The following USH2A variants were observed in gnomAD, a reference collection of about 807,000 sequenced individuals.
USH2A encodes Usher syndrome 2A (autosomal recessive, mild).
A neutral mutation model predicts 538.9 loss-of-function variants in USH2A; 443 were observed. The observed-to-expected ratio is 0.82, with a 90% CI of 0.76 to 0.89. The LOEUF is 0.89. Ranked by LOEUF, USH2A falls within the 40% of genes least tolerant of loss-of-function variation. The pLI is 0.00. For synonymous variants in USH2A, 2,413 were observed against 2,273.5 expected (o/e 1.06, Z -1.75); for missense variants, 6,633 against 6,324.8 (o/e 1.05, Z -1.65).
intron 3 of USH2A, among the ~76,000 whole-genome samples, chr1:216,370,674 T>C (rs1268447480): frequency 1.9e-4 from 2 of 10,460 alleles, no homozygotes; most frequent in South Asian, 5.2e-3. Flanking sequence ...CCAGACTCTG[T>C]CTCAAAAAAA....
intron 50 of USH2A, among the ~76,000 whole-genome samples, chr1:215,795,289 A>T (rs1487601905): frequency 6.6e-6 from 1 of 152,212 alleles, no homozygotes; most frequent in Non-Finnish European, 1.5e-5. Context: ...TCACTGTTTG[A>T]GATTCCAATC....
chr1:215,761,043 A>G (rs1418718463), intron 56 of USH2A, among the ~76,000 whole-genome samples: 7 of 152,262 alleles, frequency 4.6e-5, no homozygotes, highest in Middle Eastern at 3.4e-3. Context: ...CCTAAGTGGC[A>G]GCATTCTTTG....
chr1:216,156,295 C>CTTTTTTTTTTTTTTTTTTTTTTTTTT lies in USH2A; in HGVS notation c.4627+18956_4627+18957insAAAAAAAAAAAAAAAAAAAAAAAAAA, dbSNP rs35698520. Among the ~76,000 whole-genome samples the CTTTTTTTTTTTTTTTTTTTTTTTTTT allele has an allele frequency of 3.5e-4, 37 of 105,512 alleles. 1 individual carries two copies. The highest frequency in any genetic ancestry group is 4.9e-4 in the Non-Finnish European group (26 of 53,366). 69.2% of individuals were successfully genotyped at this position (105,512 alleles called of 152,430 possible). On this transcript the variant is annotated intron_variant, in intron 21 of 71. Transcript: ENST00000307340. ...TTCTTTCTTTCTTTCTTTTTTTTTT[C>CTTTTTTTTTTTTTTTTTTTTTTTTTT]TTTTTTTTTTTTTTTTTGGCCTAGC... is the stretch of plus-strand genomic sequence containing the variant.
At position 215,640,566 on chromosome 1, in the gene USH2A, G is replaced by A. The variant is rs111033498; in HGVS notation, c.14960C>T (p.Ala4987Val). The A allele has an allele frequency of 2.2e-3, 3,528 of 1,613,720 alleles. 116 individuals are homozygous for A. In the Admixed American group the frequency reaches 0.052, roughly 24 times the overall value. The change falls in exon 68 of 72, where the codon GCG (alanine) becomes GTG (valine). Residue 4987 changes from alanine to valine, a missense_variant. Physicochemically the swap from Ala to Val is moderately conservative, Grantham distance 64. Transcript: ENST00000307340. ...LDTTLYIPRT[A>V]DKTFFFQVIC... The stretch of plus-strand genomic sequence containing the variant: ...AGGAGTCAGAAACTAACTTTTGTCC[G>A]CCGTTCTCGGTATGTAGAGGGTGGT...
chr1:216,253,046 A>C (rs984361356), intron 11 of USH2A, among the ~76,000 whole-genome samples: 1 of 152,184 alleles, frequency 6.6e-6, no homozygotes, highest in Non-Finnish European at 1.5e-5. Context: ...ATAATCTTAA[A>C]CATTACATGT....
intron 40 of USH2A, among the ~76,000 whole-genome samples, chr1:215,892,881 T>C (rs959819935): frequency 2.0e-5 from 3 of 152,142 alleles, no homozygotes; most frequent in Non-Finnish European, 4.4e-5. Flanking sequence ...AGTTTGCAAA[T>C]AGGAGAACCA....
chr1:215,837,515 G>T (rs889336569), intron 47 of USH2A, among the ~76,000 whole-genome samples: 1 of 152,030 alleles, frequency 6.6e-6, no homozygotes, highest in African/African-American at 2.4e-5. Flanking sequence ...AAAGAATAAA[G>T]AAAAATAAAG....
At chr1:216,365,605 A>G (rs1218631996) in intron 3 of USH2A, among the ~76,000 whole-genome samples, 3 of 152,306 alleles carry the variant, frequency 2.0e-5, no homozygotes, top group East Asian at 1.9e-4. Flanking sequence ...TAGGGTAACA[A>G]AAAGTTGCCA....
chr1:216,280,396 C>T (rs1386171122), intron 11 of USH2A, among the ~76,000 whole-genome samples: 2 of 144,642 alleles, frequency 1.4e-5, no homozygotes, highest in Non-Finnish European at 3.0e-5. Flanking sequence ...AAAATACAGA[C>T]AAAAGAAAAA....
chr1:215,744,242 A>C (rs1660400209), intron 58 of USH2A, among the ~76,000 whole-genome samples: 1 of 152,220 alleles, frequency 6.6e-6, no homozygotes, highest in Non-Finnish European at 1.5e-5. Context: ...AGGACAGTTC[A>C]CTGTCAGTGA....
At position 215,842,076 on chromosome 1, in the gene USH2A, CACT is replaced by C. The variant is rs574360208; in HGVS notation, c.9258+2215_9258+2217del. On this transcript the variant is annotated intron_variant, in intron 46 of 71. Transcript: ENST00000307340. ...CAGTGGCTCACACCTGTAATCCCAGCACTGTGGGAAGCTTAGGCAGGTGGATCA... is the reference window on the plus strand; with the variant it reads ...CAGTGGCTCACACCTGTAATCCCAGCGTGGGAAGCTTAGGCAGGTGGATCA... Among the ~76,000 whole-genome samples the C allele has an allele frequency of 1.7e-4, 26 of 152,244 alleles. 1 individual carries two copies. Among genetic ancestry groups the C allele is most frequent in the African/African-American group, 6.3e-4 (26 of 41,544 alleles).
intron 21 of USH2A, among the ~76,000 whole-genome samples, chr1:216,124,156 T>C (rs1263177754): frequency 6.6e-6 from 1 of 152,182 alleles, no homozygotes; most frequent in Non-Finnish European, 1.5e-5. Flanking sequence ...AACACAATGT[T>C]GCCCAGGCAG....
At chr1:216,142,794 T>C (rs538044083) in intron 21 of USH2A, among the ~76,000 whole-genome samples, 1 of 152,338 alleles carries the variant, frequency 6.6e-6, no homozygotes, top group South Asian at 2.1e-4. Flanking sequence ...TAATGTGATT[T>C]AGTCTCCACA....
chr1:215,714,583 G>A (rs1659430475), intron 61 of USH2A, among the ~76,000 whole-genome samples: 1 of 152,072 alleles, frequency 6.6e-6, no homozygotes, highest in Non-Finnish European at 1.5e-5. Flanking sequence ...AGTTTAAAGG[G>A]CAATTTATAT....
At chr1:216,069,361 T>C (rs2031483703) in intron 30 of USH2A, among the ~76,000 whole-genome samples, 1 of 152,226 alleles carries the variant, frequency 6.6e-6, no homozygotes, top group African/African-American at 2.4e-5. Flanking sequence ...TGGGAAAATA[T>C]TTAAGGCTTT....
intron 52 of USH2A, 87 bp downstream of exon 52, chr1:215,786,583 T>C (rs879535110): frequency 1.2e-4 from 174 of 1,406,672 alleles, no homozygotes; most frequent in Non-Finnish European, 1.7e-4. Flanking sequence ...TTAAGGAGAG[T>C]TGATGTCAGA....
chr1:216,327,187 T>C (rs2037750788), intron 5 of USH2A, among the ~76,000 whole-genome samples: 1 of 152,178 alleles, frequency 6.6e-6, no homozygotes, highest in African/African-American at 2.4e-5. Context: ...AAATAATTAA[T>C]CACGTTTATT....
At chr1:215,910,991 C>A (rs561252290) in intron 38 of USH2A, among the ~76,000 whole-genome samples, 2 of 151,804 alleles carry the variant, frequency 1.3e-5, no homozygotes, top group South Asian at 2.1e-4. Flanking sequence ...TGCTTATACC[C>A]AATACAGAGC....
At chr1:216,346,815 T>C (rs1418173242) in intron 4 of USH2A, among the ~76,000 whole-genome samples, 1 of 151,916 alleles carries the variant, frequency 6.6e-6, no homozygotes, top group Non-Finnish European at 1.5e-5. Flanking sequence ...AGTAATCCAG[T>C]TAAGAAACCG....
Sources: allele counts gnomAD v4.1 joint callset (sites outside exome capture counted in the v4.1 genomes callset), GRCh38; gene constraint gnomAD v4.1.1; transcripts MANE v1.5; gene names NCBI Gene and HGNC (gene_info 2026-07-23, HGNC 2026-07-21).